TMPRSS4: variants seen among roughly 807,000 people sequenced by gnomAD.
The protein encoded by TMPRSS4 is transmembrane serine protease 4, also known as transmembrane protease serine 4.
A neutral mutation model predicts 56.4 loss-of-function variants in TMPRSS4; 45 were observed. The ratio of observed to expected loss-of-function variants is 0.80; its 90% CI spans 0.63 to 1.02. TMPRSS4 has a LOEUF of 1.02. Ranked by LOEUF, TMPRSS4 falls within the 50% of genes least tolerant of loss-of-function variation. The probability of loss-of-function intolerance (pLI) is 0.00; values close to 1 mark genes in which losing one functional copy is unlikely to be tolerated. For synonymous variants in TMPRSS4, 205 were observed against 211.0 expected, an observed-to-expected ratio of 0.97 and a Z score of 0.25; for missense variants, 546 against 556.7, an observed-to-expected ratio of 0.98 and a Z score of 0.19.
In TMPRSS4 at chr11:118,099,012, T is replaced by TC. The variant is rs778008818; in HGVS notation, c.75dup (p.Met26HisfsTer34). 6.2e-7 allele frequency: 1 copy of TC among 1,613,654 alleles called. No homozygotes were observed. Among genetic ancestry groups the TC allele is most frequent in the African/African-American group, 1.3e-5 (1 of 74,822 alleles). ...GTCAAACCCCTGCGCAAACCCCGTA[T>TC]CCCCATGGAGACCTTCAGAAAGGTG... is the stretch of plus-strand genomic sequence containing the variant. On this transcript the variant is annotated frameshift_variant, in exon 3 of 13. Coordinates refer to ENST00000437212, the MANE Select transcript of TMPRSS4 (RefSeq NM_019894.4). LOFTEE classifies it high-confidence loss of function.
At position 118,117,931 on chromosome 11, in the gene TMPRSS4, A is replaced by G. The variant is rs781058795; in HGVS notation, c.*18A>G. On this transcript the variant is annotated 3_prime_UTR_variant, in exon 13 of 13. Coordinates refer to ENST00000437212, the MANE Select transcript of TMPRSS4 (RefSeq NM_019894.4). ...AGCTGTAATGCTGCTGCCCCTTTGC[A>G]GTGCTGGGAGCCGCTTCCTTCCTGC... is the stretch of plus-strand genomic sequence containing the variant. 1.9e-6 allele frequency: 3 copies of G among 1,612,842 alleles called. No homozygotes were observed. The Admixed American group carries it at 5.0e-5, about 27-fold the overall frequency.
Position 118,099,050 on chromosome 11 carries a change from A to G in TMPRSS4, c.109A>G (p.Ile37Val), listed in dbSNP as rs889576362. 4 of 1,613,770 alleles carry G rather than the reference A, an allele frequency of 2.5e-6. No individual in the cohort carries two copies. Among genetic ancestry groups the G allele is most frequent in the Non-Finnish European group, 3.4e-6 (4 of 1,179,934 alleles). Reference protein sequence around the residue: ...ETFRKVGIPIIIALLSLASII... With the variant: ...ETFRKVGIPIVIALLSLASII... ...CTTCAGAAAGGTGGGGATCCCCATC[A>G]TCATAGCACTACTGAGCCTGGCGAG... is the stretch of plus-strand genomic sequence containing the variant. Residue 37 changes from isoleucine (I) to valine (V), a missense_variant, in exon 3 of 13, where the codon ATC becomes GTC. Physicochemically the swap from Ile to Val is conservative, Grantham distance 29. Coordinates refer to ENST00000437212, the MANE Select transcript of TMPRSS4 (RefSeq NM_019894.4).
At chr11:118,103,709 G>T (rs562208960) in intron 4 of TMPRSS4, among the ~76,000 whole-genome samples, 3 of 152,162 alleles carry the variant, frequency 2.0e-5, no homozygotes, top group Non-Finnish European at 4.4e-5. Context: ...GCAGGACCCT[G>T]TCTTGTCTAC....
At chr11:118,113,651 T>C (rs544495834) in intron 9 of TMPRSS4, among the ~76,000 whole-genome samples, 2 of 152,320 alleles carry the variant, frequency 1.3e-5, no homozygotes, top group South Asian at 4.1e-4. Context: ...CAGAGATTCT[T>C]CCAAGGCCTG....
intron 1 of TMPRSS4, among the ~76,000 whole-genome samples, chr11:118,083,440 C>G (rs1945310134): frequency 6.6e-6 from 1 of 152,104 alleles, no homozygotes; most frequent in Non-Finnish European, 1.5e-5. Flanking sequence ...CCACAGAGTC[C>G]CCTGCTGAAG....
At chr11:118,080,010 C>T (rs905255646) in intron 1 of TMPRSS4, among the ~76,000 whole-genome samples, 1 of 152,162 alleles carries the variant, frequency 6.6e-6, no homozygotes, top group Non-Finnish European at 1.5e-5. Context: ...ACCACTCCCC[C>T]CCCACCAAAA....
chr11:118,086,068 C>T (rs1945532049), intron 1 of TMPRSS4, among the ~76,000 whole-genome samples: 1 of 152,234 alleles, frequency 6.6e-6, no homozygotes, highest in Non-Finnish European at 1.5e-5. Context: ...TTTAATTTAG[C>T]CCAAGGGGCA....
rs779678675 is a variant in TMPRSS4, at chr11:118,107,800, T to C, written c.467T>C (p.Ile156Thr). Residue 156 changes from isoleucine to threonine, a missense_variant, in exon 6 of 13, where the codon ATT (isoleucine) becomes ACT (threonine). Physicochemically the swap from Ile to Thr is moderately conservative, Grantham distance 89. Coordinates refer to ENST00000437212, the MANE Select transcript of TMPRSS4 (RefSeq NM_019894.4). ...AAACCCACTTTCAGAGCTGTGGAGA[T>C]TGGCCCAGACCAGGATCTGGATGTT... ...SSKPTFRAVE[I>T]GPDQDLDVVE... 13 of 1,614,110 alleles carry C rather than the reference T, an allele frequency of 8.1e-6. No homozygotes were observed. Among genetic ancestry groups the C allele is most frequent in the Middle Eastern group, 1.7e-4 (1 of 6,056 alleles).
At chr11:118,113,184 G>T in intron 8 of TMPRSS4, 85 bp from the exon 9 acceptor site, 2 of 1,405,148 alleles carry the variant, frequency 1.4e-6, no homozygotes, top group East Asian at 2.4e-5. Context: ...CCAGCACCCC[G>T]ATCCCTAGGG....
intron 1 of TMPRSS4, among the ~76,000 whole-genome samples, chr11:118,079,118 A>T (rs1412453698): frequency 7.9e-5 from 12 of 152,142 alleles, no homozygotes; most frequent in Non-Finnish European, 1.8e-4. Flanking sequence ...CCCAAAGGCA[A>T]GGCAGCAGCA....
intron 3 of TMPRSS4, among the ~76,000 whole-genome samples, chr11:118,101,253 G>A (rs146877554): frequency 0.018 from 2,703 of 152,236 alleles, 56 homozygotes; most frequent in South Asian, 0.071. Flanking sequence ...TCCCAAGACT[G>A]TTGTCAGGAT....
At chr11:118,117,583 G>A (rs1463516567) in intron 12 of TMPRSS4, 129 bp downstream of exon 12, 21 of 1,490,512 alleles carry the variant, frequency 1.4e-5, no homozygotes, top group Admixed American at 2.3e-5. Flanking sequence ...TTCCCTCCAA[G>A]CAAGGGACAG....
chr11:118,119,082 A>G lies in TMPRSS4; in HGVS notation c.*1169A>G. 1 of 985,464 alleles carries G rather than the reference A, an allele frequency of 1.0e-6. No individual in the cohort carries two copies. The highest frequency in any genetic ancestry group is 1.2e-6 in the Non-Finnish European group (1 of 829,942). The allele number at this position is 985,464 out of a possible 1,614,324, so 61.0% of individuals were successfully genotyped here. A position where few individuals can be genotyped will look rare whatever the true frequency, so the allele number is the denominator to read the frequency against. ...GATGAAATATACTTGTTCATACTGT[A>G]CTAGGTTCTTAGGAAACAACAGAAT... On this transcript the variant is annotated 3_prime_UTR_variant, in exon 13 of 13. Transcript: ENST00000437212.
At chr11:118,121,902 T>C (rs1288525756), downstream of TMPRSS4, 1 of 152,192 alleles carries the variant, frequency 6.6e-6, no homozygotes, top group Non-Finnish European at 1.5e-5. Context: ...GTTAAAATAT[T>C]CTGAAGTTCT....
intron 1 of TMPRSS4, among the ~76,000 whole-genome samples, chr11:118,078,029 A>AGG (rs1379447110): frequency 1.0e-5 from 1 of 98,098 alleles, no homozygotes; most frequent in African/African-American, 3.8e-5. Context: ...AAAAAAAAAA[A>AGG]AAAAAAAAAA....
chr11:118,109,099 C>T (rs10892217), intron 7 of TMPRSS4, among the ~76,000 whole-genome samples: 111,106 of 152,078 alleles, frequency 0.73, 41,923 homozygotes, highest in East Asian at 0.95. Flanking sequence ...TTTCCAAGCC[C>T]CAGTTTCCCC....
At chr11:118,108,743 A>G (rs1365682968) in intron 6 of TMPRSS4, 113 bp from the exon 7 acceptor site, 4 of 1,003,484 alleles carry the variant, frequency 4.0e-6, no homozygotes, top group Non-Finnish European at 6.1e-6. Context: ...TGCAGCTTCC[A>G]CATTCCCGAG....
At chr11:118,101,706 T>C (rs1444465990) in intron 3 of TMPRSS4, among the ~76,000 whole-genome samples, 4 of 152,200 alleles carry the variant, frequency 2.6e-5, no homozygotes, top group Non-Finnish European at 5.9e-5. Context: ...CTTGAATTCC[T>C]GGGCTCAAAC....
chr11:118,111,985 C>T lies in TMPRSS4; in HGVS notation c.743+85C>T, dbSNP rs1461613487. The T allele has an allele frequency of 3.9e-6, 6 of 1,533,060 alleles. No homozygotes were observed. In the Admixed American group the frequency reaches 1.2e-4, roughly 30 times the overall value. The allele number at this position is 1,533,060 out of a possible 1,614,324, so 95.0% of individuals were successfully genotyped here. Reference sequence around the variant, plus strand: ...TTGGGGTCCTGTCTCCTGGCACCGTCCTTCTCTTCACTCTCCCACTAGAGA... The same window carrying T: ...TTGGGGTCCTGTCTCCTGGCACCGTTCTTCTCTTCACTCTCCCACTAGAGA... On this transcript the variant is annotated intron_variant, in intron 8 of 12. Coordinates refer to ENST00000437212, the MANE Select transcript of TMPRSS4 (RefSeq NM_019894.4).
Sources: gnomAD v4.1 joint callset for allele counts (sites outside exome capture counted in the v4.1 genomes callset) on GRCh38, gnomAD v4.1.1 for gene constraint, MANE v1.5 for transcripts, NCBI Gene and HGNC (gene_info 2026-07-23, HGNC 2026-07-21) for gene names.